NELL2: variants seen among roughly 807,000 people sequenced by gnomAD.
NELL2 encodes the protein neural EGFL like 2.
NELL2 carries 41 observed loss-of-function variants against 109.6 expected under a neutral mutation model. The ratio of observed to expected loss-of-function variants is 0.37; its 90% confidence interval spans 0.29 to 0.49. NELL2 has a LOEUF of 0.49. Ranked by LOEUF, NELL2 falls within the 20% of genes least tolerant of loss-of-function variation. The pLI, the probability that NELL2 is intolerant of heterozygous loss-of-function variation, is 0.98. For missense variants in NELL2, 900 were observed against 1,008.3 expected (o/e 0.89, Z 1.45); for synonymous variants, 355 against 344.7 (o/e 1.03, Z -0.33).
chr12:44,815,193 T>A (rs535881757), intron 3 of NELL2, among the ~76,000 whole-genome samples: 1 of 151,928 alleles, frequency 6.6e-6, no homozygotes, highest in South Asian at 2.1e-4. Context: ...CTTCCTCCTT[T>A]CCCCCCATCC....
rs568917875 is a variant in NELL2, at chr12:44,788,544, C to G, written c.336-8522G>C. On this transcript the variant is annotated intron_variant, in intron 3 of 19. Coordinates refer to ENST00000429094, the MANE Select transcript of NELL2 (RefSeq NM_001145108.2). ...GAGTCTCCAAGCAGGCCATTCCTGC[C>G]TAGCACCACAGGGATCCTTTGGGAG... Among the ~76,000 whole-genome samples, 5 of 152,324 alleles carry G rather than the reference C, an allele frequency of 3.3e-5. No individual in the cohort carries two copies. The South Asian group carries it at 1.0e-3, about 32-fold the overall frequency.
chr12:44,564,332 C>G (rs1173299151), intron 15 of NELL2, among the ~76,000 whole-genome samples: 1 of 152,036 alleles, frequency 6.6e-6, no homozygotes, highest in Non-Finnish European at 1.5e-5. Flanking sequence ...GATAAATACA[C>G]AGAATAGAAA....
chr12:44,909,142 G>T (rs1254715600), intron 1 of NELL2, among the ~76,000 whole-genome samples: 1 of 151,822 alleles, frequency 6.6e-6, no homozygotes, highest in Non-Finnish European at 1.5e-5. Context: ...ATTCAACTAT[G>T]TCTCTTTACT....
At chr12:44,836,124 A>T (rs1311944929) in intron 2 of NELL2, among the ~76,000 whole-genome samples, 1 of 152,192 alleles carries the variant, frequency 6.6e-6, no homozygotes, top group Non-Finnish European at 1.5e-5. Context: ...AGAGAATTGC[A>T]AGGCTGAGAG....
chr12:44,889,997 G>A (rs1208875524), intron 1 of NELL2, among the ~76,000 whole-genome samples: 1 of 152,168 alleles, frequency 6.6e-6, no homozygotes, highest in Admixed American at 6.5e-5. Context: ...CATGTCTTGA[G>A]AACAGGGATA....
At chr12:44,728,297 T>C (rs1939188773) in intron 9 of NELL2, among the ~76,000 whole-genome samples, 1 of 152,072 alleles carries the variant, frequency 6.6e-6, no homozygotes. Flanking sequence ...AGTAATTTTT[T>C]AAAATGACCA....
At chr12:44,788,922 A>G (rs1942280007) in intron 3 of NELL2, among the ~76,000 whole-genome samples, 1 of 151,886 alleles carries the variant, frequency 6.6e-6, no homozygotes, top group Admixed American at 6.6e-5. Context: ...TTCATGACTC[A>G]GCAGAGGCAG....
rs930249746 is a variant in NELL2 at position 44,870,010 on chromosome 12, A to G, written c.184+5215T>C. Among the ~76,000 whole-genome samples the G allele has an allele frequency of 2.0e-5, 3 of 152,252 alleles. No individual in the cohort carries two copies. The East Asian group carries it at 5.8e-4, about 29-fold the overall frequency. On this transcript the variant is annotated intron_variant, in intron 2 of 19. Transcript: ENST00000429094. ...ATCACCTTAGCTAAAATCTAAGTTC[A>G]TTGTTTACAAGTTTTGCTTTCCACA... is the stretch of plus-strand genomic sequence containing the variant.
chr12:44,574,441 A>AATAG lies in NELL2; in HGVS notation c.1663+32727_1663+32728insCTAT, dbSNP rs1327307308. Among the ~76,000 whole-genome samples the AATAG allele has an allele frequency of 2.0e-4, 31 of 152,310 alleles. No homozygotes were observed. The East Asian group carries it at 5.4e-3, about 27-fold the overall frequency. On this transcript the variant is annotated intron_variant, in intron 15 of 19. Coordinates refer to ENST00000429094, the MANE Select transcript of NELL2 (RefSeq NM_001145108.2). The stretch of plus-strand genomic sequence containing the variant: ...TCAAGGACTTTATTAATATTGTCTT[A>AATAG]AATTTAAAAATGCAGTGAAAATATC...
chr12:44,550,040 A>G (rs1942968449), intron 15 of NELL2, among the ~76,000 whole-genome samples: 1 of 152,238 alleles, frequency 6.6e-6, no homozygotes, highest in African/African-American at 2.4e-5. Flanking sequence ...GCACAGAAAC[A>G]GACACACAGA....
rs1739808951 is a variant in NELL2 at position 44,776,052 on chromosome 12, C to T, written c.861G>A (p.Trp287Ter). The T allele has an allele frequency of 6.2e-7, 1 of 1,613,858 alleles. No homozygotes were observed. The highest frequency in any genetic ancestry group is 8.5e-7 in the Non-Finnish European group (1 of 1,179,946). ...ATGTGCAGTTCTTACAGCCGTCTAT[C>T]CAGGACTCAAATTCTCGGTAGGTGG... Reference protein sequence around the residue: ...KGTTYREFESWIDGCKNCTCL... With the variant: ...KGTTYREFES The change falls in exon 8 of 20, where the codon TGG (tryptophan) becomes TGA (stop). Residue 287 changes from tryptophan to a stop codon, truncating the protein, a stop_gained. Transcript: ENST00000429094. LOFTEE classifies it high-confidence loss of function.
intron 2 of NELL2, among the ~76,000 whole-genome samples, chr12:44,833,979 G>A (rs539440953): frequency 7.2e-5 from 11 of 152,058 alleles, no homozygotes; most frequent in South Asian, 2.1e-4. Context: ...TCTAAGTTAC[G>A]TATTTCTTCC....
chr12:44,665,751 A>T (rs1259917473), intron 12 of NELL2, 142 bp from the exon 13 acceptor site: 2 of 970,912 alleles, frequency 2.1e-6, no homozygotes, highest in Non-Finnish European at 2.9e-6. Flanking sequence ...CTTTGCTAGG[A>T]GTGTTTAATG....
intron 13 of NELL2, among the ~76,000 whole-genome samples, chr12:44,612,820 G>C (rs76322525): frequency 1.3e-3 from 192 of 152,114 alleles, no homozygotes; most frequent in Non-Finnish European, 2.0e-3. Context: ...TCCCTGCCTT[G>C]GTTGTCTTTT....
chr12:44,736,566 C>G (rs79145140), intron 9 of NELL2, among the ~76,000 whole-genome samples: 3,185 of 151,550 alleles, frequency 0.021, 107 homozygotes, highest in African/African-American at 0.071. Flanking sequence ...TACATATGTG[C>G]TTTCTTAATG....
At chr12:44,796,700 T>C (rs112811865) in intron 3 of NELL2, among the ~76,000 whole-genome samples, 2,625 of 152,202 alleles carry the variant, frequency 0.017, 69 homozygotes, top group African/African-American at 0.057. Context: ...AGCCAAATCA[T>C]TGAGGATAAC....
At chr12:44,843,647 T>C (rs954038925) in intron 2 of NELL2, among the ~76,000 whole-genome samples, 6 of 152,238 alleles carry the variant, frequency 3.9e-5, no homozygotes, top group Non-Finnish European at 8.8e-5. Context: ...ATTTGTTTTC[T>C]CATAGTTCTG....
chr12:44,781,679 G>A (rs1941964753), intron 3 of NELL2, among the ~76,000 whole-genome samples: 1 of 152,006 alleles, frequency 6.6e-6, no homozygotes, highest in South Asian at 2.1e-4. Flanking sequence ...TTAAGTACAA[G>A]GAAAAATTAG....
intron 9 of NELL2, among the ~76,000 whole-genome samples, chr12:44,757,905 T>C (rs946666066): frequency 2.6e-5 from 4 of 152,044 alleles, no homozygotes; most frequent in African/African-American, 7.2e-5. Flanking sequence ...ATAATTTTGA[T>C]AGATGATCCA....
Sources: gnomAD v4.1 joint callset for allele counts (sites outside exome capture counted in the v4.1 genomes callset) on GRCh38, gnomAD v4.1.1 for gene constraint, MANE v1.5 for transcripts, NCBI Gene and HGNC (gene_info 2026-07-23, HGNC 2026-07-21) for gene names.